ZNF135: variants seen among roughly 807,000 people sequenced by gnomAD.
The protein encoded by ZNF135 is zinc finger protein 135 (clone pHZ-17).
In ZNF135, 11 loss-of-function variants were observed where a neutral mutation model predicts 12.3. The observed-to-expected ratio is 0.89, with a 90% confidence interval of 0.56 to 1.48. The LOEUF (loss-of-function observed/expected upper bound fraction) is 1.48. ZNF135 is among the 40% of genes most tolerant of loss of function. ZNF135 has a pLI of 0.00. For missense variants in ZNF135, 722 were observed against 815.7 expected, an observed-to-expected ratio of 0.89 and a Z score of 1.40; for synonymous variants, 316 against 312.0, an observed-to-expected ratio of 1.01 and a Z score of -0.14.
At chr19:58,064,629 C>A (rs1394791725) in intron 4 of ZNF135, among the ~76,000 whole-genome samples, 1 of 151,944 alleles carries the variant, frequency 6.6e-6, no homozygotes, top group Non-Finnish European at 1.5e-5. Flanking sequence ...CACCTATAAT[C>A]CCAGCACTTT....
chr19:58,061,812 G>T, intron 3 of ZNF135, 106 bp downstream of exon 3: 1 of 1,408,930 alleles, frequency 7.1e-7, no homozygotes, highest in Non-Finnish European at 9.4e-7. Flanking sequence ...AATGCCTGGG[G>T]CTGTATGTCT....
Position 58,063,918 on chromosome 19 carries a change from C to T in ZNF135, c.256+377C>T, listed in dbSNP as rs1457826741. On this transcript the variant is annotated intron_variant, in intron 4 of 4. Coordinates refer to ENST00000313434, the MANE Select transcript of ZNF135 (RefSeq NM_001289401.2). This position sits in a 1 kb window ranked among gnomAD's most constrained non-coding sequence, Gnocchi z 4.4. ...CAAGGAGGTGACATGTGACTTGAAG[C>T]CTGAGCCATGAGGCAGTCTGAGTGA... Among the ~76,000 whole-genome samples the T allele has an allele frequency of 6.6e-6, 1 of 152,118 alleles. No individual in the cohort carries two copies. Among genetic ancestry groups the T allele is most frequent in the East Asian group, 1.9e-4 (1 of 5,198 alleles).
chr19:58,066,604 T>G, intron 4 of ZNF135, 137 bp from the exon 5 acceptor site: 2 of 1,239,584 alleles, frequency 1.6e-6, no homozygotes, highest in African/African-American at 1.5e-5. Flanking sequence ...CAAAACTATA[T>G]TTTTAAATGG....
At position 58,069,125 on chromosome 19, in the gene ZNF135, A is replaced by G. The variant is rs1443244964; in HGVS notation, c.*664A>G. On this transcript the variant is annotated 3_prime_UTR_variant, in exon 5 of 5. Transcript: ENST00000313434. Reference sequence around the variant, plus strand: ...GTCACAGATTGGAATTACATATGACAAAGTATCAGTGTACTATAAACAGGT... The same window carrying G: ...GTCACAGATTGGAATTACATATGACGAAGTATCAGTGTACTATAAACAGGT... 6.5e-6 allele frequency: 1 copy of G among 152,934 alleles called. No individual in the cohort carries two copies. The highest frequency in any genetic ancestry group is 1.5e-5 in the Non-Finnish European group (1 of 68,626). 9.5% of individuals were successfully genotyped at this position (152,934 alleles called of 1,614,324 possible).
At position 58,060,538 on chromosome 19, in the gene ZNF135, C is replaced by T. The variant is rs905806538; in HGVS notation, c.33+503C>T. On this transcript the variant is annotated intron_variant, in intron 2 of 4. Coordinates refer to ENST00000313434, the MANE Select transcript of ZNF135 (RefSeq NM_001289401.2). This position sits in a 1 kb window ranked among gnomAD's most constrained non-coding sequence, Gnocchi z 4.9. Reference sequence around the variant, plus strand: ...GTTGAAGGCCTTAGCATGCTCTGCGCTCCAAGATGGCGCATCGAGTGCCGC... The same window carrying T: ...GTTGAAGGCCTTAGCATGCTCTGCGTTCCAAGATGGCGCATCGAGTGCCGC... The T allele has an allele frequency of 1.3e-6, 1 of 788,210 alleles. No individual in the cohort carries two copies. Among genetic ancestry groups the T allele is most frequent in the Non-Finnish European group, 1.6e-6 (1 of 642,300 alleles). The allele number at this position is 788,210 out of a possible 1,614,324, so 48.8% of individuals were successfully genotyped here. A position where few individuals can be genotyped will look rare whatever the true frequency, so the allele number is the denominator to read the frequency against.
rs1568610813 is a variant in ZNF135 at position 58,060,186 on chromosome 19, CCTACTCGTGCCCGGCCT to C, written c.33+159_33+175del. 1.0e-5 allele frequency: 15 copies of C among 1,504,134 alleles called. No individual in the cohort carries two copies. Among genetic ancestry groups the C allele is most frequent in the East Asian group, 2.5e-5 (1 of 40,304 alleles). The allele number at this position is 1,504,134 out of a possible 1,614,324, so 93.2% of individuals were successfully genotyped here. ...CCGGCCCCTACTTGCGTGCCCGGCC[CCTACTCGTGCCCGGCCT>C]CTACTCGCACAACTGGCCTCTACTC... On this transcript the variant is annotated intron_variant, in intron 2 of 4. Transcript: ENST00000313434. This position sits in a 1 kb window ranked among gnomAD's most constrained non-coding sequence, Gnocchi z 4.9.
chr19:58,063,720 A>G lies in ZNF135; in HGVS notation c.256+179A>G. Reference sequence around the variant, plus strand: ...CCACGTCCTCATCTCCACTGAATTTATATTCTTGGTGAGGGAGTGGGGGAA... The same window carrying G: ...CCACGTCCTCATCTCCACTGAATTTGTATTCTTGGTGAGGGAGTGGGGGAA... On this transcript the variant is annotated intron_variant, in intron 4 of 4. Coordinates refer to ENST00000313434, the MANE Select transcript of ZNF135 (RefSeq NM_001289401.2). This position sits in a 1 kb window ranked among gnomAD's most constrained non-coding sequence, Gnocchi z 4.4. The G allele has an allele frequency of 7.2e-7, 1 of 1,389,134 alleles. No individual in the cohort carries two copies. Among genetic ancestry groups the G allele is most frequent in the Non-Finnish European group, 9.4e-7 (1 of 1,069,308 alleles). 86.1% of individuals were successfully genotyped at this position (1,389,134 alleles called of 1,614,324 possible).
At position 58,063,131 on chromosome 19, in the gene ZNF135, G is replaced by C. The variant is rs1370324838; in HGVS notation, c.161-315G>C. 1.3e-5 allele frequency among the ~76,000 whole-genome samples: 2 copies of C among 152,226 alleles called. No individual in the cohort carries two copies. Among genetic ancestry groups the C allele is most frequent in the Non-Finnish European group, 2.9e-5 (2 of 68,046 alleles). ...AAGACCAGCAGAAAAGACAGGATCTGTGTCCCAGGGTTGTCCTGGTTTGGC... is the reference window on the plus strand; with the variant it reads ...AAGACCAGCAGAAAAGACAGGATCTCTGTCCCAGGGTTGTCCTGGTTTGGC... On this transcript the variant is annotated intron_variant, in intron 3 of 4. Transcript: ENST00000313434. This position sits in a 1 kb window ranked among gnomAD's most constrained non-coding sequence, Gnocchi z 4.4.
rs1249536560 is a variant in ZNF135, at chr19:58,065,574, C to G, written c.257-1167C>G. On this transcript the variant is annotated intron_variant, in intron 4 of 4. Transcript: ENST00000313434. The surrounding 1 kb of genome is among the most constrained non-coding windows in gnomAD (Gnocchi z 4.0). ...CTATGGCCTTGTCCATCTTCACAGT[C>G]AGCAAGGCCTGGTCAAGTCACATCA... 2.0e-5 allele frequency among the ~76,000 whole-genome samples: 3 copies of G among 152,218 alleles called. No homozygotes were observed. The East Asian group carries it at 5.8e-4, about 29-fold the overall frequency.
At chr19:58,061,841 C>G (rs1345404465) in intron 3 of ZNF135, 135 bp downstream of exon 3, 11 of 1,158,896 alleles carry the variant, frequency 9.5e-6, no homozygotes, top group Middle Eastern at 4.9e-4. Context: ...AAGAACCTGA[C>G]TGTTTTAATG....
intron 4 of ZNF135, 119 bp from the exon 5 acceptor site, chr19:58,066,622 C>G: frequency 7.3e-7 from 1 of 1,375,554 alleles, no homozygotes; most frequent in Non-Finnish European, 9.8e-7. Context: ...TGGTCAAAGC[C>G]ACTTGAACCT....
intron 4 of ZNF135, among the ~76,000 whole-genome samples, chr19:58,064,067 T>C (rs762205922): frequency 6.6e-6 from 1 of 152,246 alleles, no homozygotes; most frequent in Non-Finnish European, 1.5e-5. Context: ...TTATAATTCA[T>C]GTGTCTGTGG....
At position 58,067,833 on chromosome 19, in the gene ZNF135, G is replaced by A; in HGVS notation, c.1349G>A (p.Ser450Asn). 6.2e-7 allele frequency: 1 copy of A among 1,613,624 alleles called. No individual in the cohort carries two copies. The highest frequency in any genetic ancestry group is 1.1e-5 in the South Asian group (1 of 91,042). Reference sequence around the variant, plus strand: ...GAGTGTGGGAAAACCTTCAGCCACAGCTCCTCACTCAGCCAGCATGAGCGG... The same window carrying A: ...GAGTGTGGGAAAACCTTCAGCCACAACTCCTCACTCAGCCAGCATGAGCGG... ...CNECGKTFSH[S>N]SSLSQHERTH... is the part of the protein sequence containing the mutation. The change falls in exon 5 of 5, where the codon AGC (serine) becomes AAC (asparagine). Residue 450 changes from serine to asparagine, a missense_variant. Transcript: ENST00000313434.
In ZNF135 at chr19:58,067,217, C is replaced by CA; in HGVS notation, c.734dup (p.His245GlnfsTer27). The CA allele has an allele frequency of 6.2e-7, 1 of 1,614,036 alleles. No homozygotes were observed. Among genetic ancestry groups the CA allele is most frequent in the Non-Finnish European group, 8.5e-7 (1 of 1,179,972 alleles). ...CACAGGAGAGAGACCTTACGAATGTCACGAATGCTTAAAAGGCTTCCGGAA... is the reference window on the plus strand; with the variant it reads ...CACAGGAGAGAGACCTTACGAATGTCAACGAATGCTTAAAAGGCTTCCGGAA... On this transcript the variant is annotated frameshift_variant, in exon 5 of 5. Transcript: ENST00000313434. LOFTEE classifies it low-confidence loss of function (END_TRUNC).
chr19:58,059,374 G>T lies in ZNF135; in HGVS notation c.-35+64G>T. ...CCGGGCCGGGCCGGGCCGGGTGCGGGGGGTCCGGGGATCTTCCTGAGGCCC... is the reference window on the plus strand; with the variant it reads ...CCGGGCCGGGCCGGGCCGGGTGCGGTGGGTCCGGGGATCTTCCTGAGGCCC... On this transcript the variant is annotated intron_variant, in intron 1 of 4. Coordinates refer to ENST00000313434, the MANE Select transcript of ZNF135 (RefSeq NM_001289401.2). The surrounding 1 kb of genome is among the most constrained non-coding windows in gnomAD (Gnocchi z 6.5). The T allele has an allele frequency of 1.2e-6, 1 of 847,858 alleles. No individual in the cohort carries two copies. Among genetic ancestry groups the T allele is most frequent in the South Asian group, 1.9e-5 (1 of 53,048 alleles). 52.5% of individuals were successfully genotyped at this position (847,858 alleles called of 1,614,324 possible). A position where few individuals can be genotyped will look rare whatever the true frequency, so the allele number is the denominator to read the frequency against.
intron 2 of ZNF135, among the ~76,000 whole-genome samples, chr19:58,061,107 G>A (rs184527326): frequency 1.5e-3 from 210 of 144,728 alleles, no homozygotes; most frequent in Middle Eastern, 3.5e-3. Context: ...TAGCCTGGGC[G>A]ACAAAGCGAG....
chr19:58,066,743 T>C lies in ZNF135; in HGVS notation c.259T>C (p.Leu87=), dbSNP rs142155695. The C allele has an allele frequency of 4.7e-5, 76 of 1,613,718 alleles. No homozygotes were observed. Among genetic ancestry groups the C allele is most frequent in the Middle Eastern group, 1.6e-4 (1 of 6,076 alleles). Residue 87 remains leucine, a splice_region_variant and synonymous_variant, in exon 5 of 5, where the codon TTG becomes CTG. Coordinates refer to ENST00000313434, the MANE Select transcript of ZNF135 (RefSeq NM_001289401.2). ...SRLPQGVYPD[L]ETRPKVKLSV... ...TTTCCAGTTTTTGCTTCTTTCAGAC[T>C]TGGAAACTAGACCCAAAGTCAAACT...
At position 58,069,618 on chromosome 19, in the gene ZNF135, AT is replaced by A. The variant is rs2074133891; in HGVS notation, c.*1158del. On this transcript the variant is annotated 3_prime_UTR_variant, in exon 5 of 5. Coordinates refer to ENST00000313434, the MANE Select transcript of ZNF135 (RefSeq NM_001289401.2). ...CCAGGCGCGGTGACTTATGCCTGTA[AT>A]CCCAGCACTTTGGGAGGCCAAGGTG... 1 of 152,126 alleles carries A rather than the reference AT, an allele frequency of 6.6e-6. No homozygotes were observed. Among genetic ancestry groups the A allele is most frequent in the Admixed American group, 6.6e-5 (1 of 15,262 alleles). 9.4% of individuals were successfully genotyped at this position (152,126 alleles called of 1,614,324 possible).
Position 58,067,520 on chromosome 19 carries a change from C to T in ZNF135, c.1036C>T (p.Arg346Ter), listed in dbSNP as rs144688815. Reference sequence around the variant, plus strand: ...AAGCATCCACCTCACCCAGCATCTGCGAATCCACACTGGGGAGAAACCCTA... The same window carrying T: ...AAGCATCCACCTCACCCAGCATCTGTGAATCCACACTGGGGAGAAACCCTA... ...RQSIHLTQHL[R>*]IHTGEKPYQC... The change falls in exon 5 of 5, where the codon CGA (arginine) becomes TGA (stop). Residue 346 changes from arginine to a stop codon, truncating the protein, a stop_gained. Coordinates refer to ENST00000313434, the MANE Select transcript of ZNF135 (RefSeq NM_001289401.2). LOFTEE classifies it low-confidence loss of function (END_TRUNC). The T allele has an allele frequency of 5.8e-5, 94 of 1,612,092 alleles. No homozygotes were observed. Among genetic ancestry groups the T allele is most frequent in the Non-Finnish European group, 7.4e-5 (87 of 1,179,570 alleles).
Sources: allele counts gnomAD v4.1 joint callset (sites outside exome capture counted in the v4.1 genomes callset), GRCh38; gene constraint gnomAD v4.1.1; non-coding constraint Gnocchi (gnomAD v3.1); transcripts MANE v1.5; gene names NCBI Gene and HGNC (gene_info 2026-07-23, HGNC 2026-07-21).